WWOX: variants seen among roughly 807,000 people sequenced by gnomAD.
WWOX encodes the protein WW domain containing oxidoreductase.
In WWOX, 69 loss-of-function variants were observed where a neutral mutation model predicts 46.2. The ratio of observed to expected loss-of-function variants is 1.49; its 90% CI spans 1.23 to 1.82. WWOX has a LOEUF of 1.82. Among genes scored for constraint, WWOX ranks in the 40% most tolerant of loss-of-function variants. The probability of loss-of-function intolerance (pLI) is 0.00; values close to 1 mark genes in which losing one functional copy is unlikely to be tolerated. For missense variants in WWOX, 919 were observed against 542.6 expected (o/e 1.69, Z -6.89); for synonymous variants, 359 against 202.6 (o/e 1.77, Z -6.56).
intron 5 of WWOX, among the ~76,000 whole-genome samples, chr16:78,208,766 GTTTAT>G (rs1275009646): frequency 1.3e-5 from 2 of 152,110 alleles, no homozygotes; most frequent in African/African-American, 4.8e-5. Context: ...TCTTTGTAAT[GTTTAT>G]TTTAAATTTT....
chr16:78,987,314 A>C (rs187881490), intron 8 of WWOX, among the ~76,000 whole-genome samples: 28 of 152,280 alleles, frequency 1.8e-4, no homozygotes, highest in Admixed American at 1.7e-3. Context: ...CTTTGTTTTG[A>C]CAATGATCTT....
intron 8 of WWOX, among the ~76,000 whole-genome samples, chr16:78,733,943 C>T (rs111331352): frequency 1.3e-5 from 2 of 151,724 alleles, no homozygotes; most frequent in African/African-American, 4.8e-5. Flanking sequence ...ACCTGTGGTC[C>T]CAGGTAGTTG....
At chr16:78,790,107 G>C (rs182221809) in intron 8 of WWOX, among the ~76,000 whole-genome samples, 1 of 152,170 alleles carries the variant, frequency 6.6e-6, no homozygotes, top group Non-Finnish European at 1.5e-5. Flanking sequence ...ATCGAGTACT[G>C]TTATTGTTTC....
chr16:78,578,207 G>C (rs1347252550), intron 8 of WWOX, among the ~76,000 whole-genome samples: 1 of 118,336 alleles, frequency 8.5e-6, no homozygotes, highest in African/African-American at 3.2e-5. Context: ...TTAGTCTCTT[G>C]CCTTTCAATT....
At chr16:78,414,797 A>T (rs1333408189) in intron 6 of WWOX, among the ~76,000 whole-genome samples, 2 of 152,126 alleles carry the variant, frequency 1.3e-5, no homozygotes, top group South Asian at 4.1e-4. Flanking sequence ...TGTTATTTAA[A>T]CTATAAACGA....
chr16:78,485,056 T>G (rs890371935), intron 8 of WWOX, among the ~76,000 whole-genome samples: 3 of 151,890 alleles, frequency 2.0e-5, no homozygotes, highest in South Asian at 2.1e-4. Flanking sequence ...CTCCCTAGGA[T>G]GAATGTTGGA....
chr16:78,563,531 T>C (rs1210174415), intron 8 of WWOX, among the ~76,000 whole-genome samples: 2 of 150,460 alleles, frequency 1.3e-5, no homozygotes, highest in East Asian at 3.9e-4. Flanking sequence ...TTTTTTTTTT[T>C]TCTTTTTTTT....
chr16:79,137,729 C>A (rs188959899), intron 8 of WWOX, among the ~76,000 whole-genome samples: 7 of 152,116 alleles, frequency 4.6e-5, no homozygotes, highest in Non-Finnish European at 8.8e-5. Flanking sequence ...TTCCTGCCCC[C>A]ACTCCTCCTG....
intron 8 of WWOX, among the ~76,000 whole-genome samples, chr16:78,697,791 G>C (rs983842465): frequency 1.3e-5 from 2 of 152,132 alleles, no homozygotes; most frequent in African/African-American, 2.4e-5. Context: ...ACTCGGTATA[G>C]GGTTTAATCC....
At chr16:78,369,986 G>A (rs1349122686) in intron 5 of WWOX, among the ~76,000 whole-genome samples, 1 of 151,890 alleles carries the variant, frequency 6.6e-6, no homozygotes, top group East Asian at 1.9e-4. Flanking sequence ...TACAAAAATA[G>A]CCAGGTGTCC....
intron 8 of WWOX, among the ~76,000 whole-genome samples, chr16:79,031,414 A>C (rs1177677585): frequency 8.5e-6 from 1 of 117,328 alleles, no homozygotes; most frequent in Non-Finnish European, 2.0e-5. Context: ...TGCAAAGTGA[A>C]ACGCATTAGA....
intron 5 of WWOX, among the ~76,000 whole-genome samples, chr16:78,193,731 A>C (rs1270985621): frequency 6.6e-6 from 1 of 152,122 alleles, no homozygotes; most frequent in African/African-American, 2.4e-5. Context: ...GACTTAGCCA[A>C]AACTAATTTG....
intron 8 of WWOX, among the ~76,000 whole-genome samples, chr16:78,443,643 G>C (rs937048221): frequency 1.1e-4 from 16 of 152,132 alleles, no homozygotes; most frequent in Admixed American, 9.2e-4. Context: ...TCTGGCCTTA[G>C]TATGTGTAAC....
rs1227010552 is a variant in WWOX, at chr16:78,272,468, A to G, written c.516+108179A>G. The stretch of plus-strand genomic sequence containing the variant: ...TATGGCCTGGCTTAGGGGTTGGCAC[A>G]GCATGACTGCTGTGGACTAAGCAGT... On this transcript the variant is annotated intron_variant, in intron 5 of 8. Coordinates refer to ENST00000566780, the MANE Select transcript of WWOX (RefSeq NM_016373.4). Among the ~76,000 whole-genome samples, 8 of 152,340 alleles carry G rather than the reference A, an allele frequency of 5.3e-5. No homozygotes were observed. The South Asian group carries it at 1.2e-3, about 24-fold the overall frequency.
chr16:78,345,011 T>C lies in WWOX; in HGVS notation c.517-41849T>C, dbSNP rs1334358715. ...AGGTGAAAACGGGAGTTTAGCCTAG[T>C]CCCCACTTGATAAGATGGTTGTGGA... On this transcript the variant is annotated intron_variant, in intron 5 of 8. Coordinates refer to ENST00000566780, the MANE Select transcript of WWOX (RefSeq NM_016373.4). 1.7e-5 allele frequency among the ~76,000 whole-genome samples: 2 copies of C among 119,920 alleles called. 1 individual carries two copies. Among genetic ancestry groups the C allele is most frequent in the Non-Finnish European group, 4.0e-5 (2 of 50,422 alleles). The allele number at this position is 119,920 out of a possible 152,430, so 78.7% of individuals were successfully genotyped here.
chr16:78,816,219 G>A (rs1385722983), intron 8 of WWOX, among the ~76,000 whole-genome samples: 2 of 152,156 alleles, frequency 1.3e-5, no homozygotes, highest in African/African-American at 2.4e-5. Flanking sequence ...AATTTGGGAC[G>A]CTGGATAGGA....
At chr16:78,586,012 A>G (rs532147036) in intron 8 of WWOX, among the ~76,000 whole-genome samples, 1 of 151,994 alleles carries the variant, frequency 6.6e-6, no homozygotes, top group Non-Finnish European at 1.5e-5. Context: ...AGCCTGGGCA[A>G]TATAGCAAGA....
intron 8 of WWOX, among the ~76,000 whole-genome samples, chr16:78,849,813 C>G (rs1454719331): frequency 6.6e-6 from 1 of 152,158 alleles, no homozygotes; most frequent in South Asian, 2.1e-4. Context: ...TGGCTCATGC[C>G]TGTAATCCCA....
chr16:78,958,547 C>T (rs2046214296), intron 8 of WWOX, among the ~76,000 whole-genome samples: 1 of 152,200 alleles, frequency 6.6e-6, no homozygotes, highest in Non-Finnish European at 1.5e-5. Context: ...AGTTATGGTG[C>T]CTTGCAGTTT....
Sources: gnomAD v4.1 joint callset for allele counts (sites outside exome capture counted in the v4.1 genomes callset) on GRCh38, gnomAD v4.1.1 for gene constraint, MANE v1.5 for transcripts, NCBI Gene and HGNC (gene_info 2026-07-23, HGNC 2026-07-21) for gene names.